Variants in FAM178B observed in about 807,000 individuals in gnomAD.
FAM178B encodes protein FAM178B.
FAM178B carries 82 observed loss-of-function variants against 91.7 expected under a neutral mutation model. That is an observed-to-expected ratio of 0.89 (90% confidence interval 0.75 to 1.07). The LOEUF is 1.07. FAM178B is among the 50% of genes least tolerant of loss of function. The pLI is 0.00. For synonymous variants in FAM178B, 368 were observed against 359.4 expected, an observed-to-expected ratio of 1.02 and a Z score of -0.27; for missense variants, 769 against 846.7, an observed-to-expected ratio of 0.91 and a Z score of 1.14.
intron 6 of FAM178B, among the ~76,000 whole-genome samples, chr2:96,956,437 T>C: frequency 6.6e-6 from 1 of 152,324 alleles, no homozygotes; most frequent in Non-Finnish European, 1.5e-5. Context: ...GGACAGCTGC[T>C]GGGACGCAGA....
chr2:96,904,541 ATTTTTTTTTTTT>A (rs11284849), intron 12 of FAM178B, among the ~76,000 whole-genome samples: 1 of 96,678 alleles, frequency 1.0e-5, no homozygotes, highest in Non-Finnish European at 2.0e-5. Context: ...ATGCCTGGCT[ATTTTTTTTTTTT>A]TTTTTTTTTT....
intron 14 of FAM178B, among the ~76,000 whole-genome samples, chr2:96,886,259 C>T (rs946877588): frequency 9.2e-5 from 14 of 152,340 alleles, no homozygotes; most frequent in African/African-American, 3.4e-4. Flanking sequence ...GAGGGGTGAA[C>T]GTGTATCCCA....
intron 1 of FAM178B, chr2:96,977,702 GGGGAAGGA>G: frequency 2.5e-6 from 1 of 392,516 alleles, no homozygotes; most frequent in South Asian, 1.9e-5. Flanking sequence ...AATGGGGGAG[GGGGAAGGA>G]GGGAAGGATA....
chr2:96,909,272 G>A (rs1031354252), intron 12 of FAM178B, among the ~76,000 whole-genome samples: 3 of 152,074 alleles, frequency 2.0e-5, no homozygotes, highest in Non-Finnish European at 4.4e-5. Flanking sequence ...AGCAAAGGAA[G>A]TGCAGTATCT....
rs369202508 is a variant in FAM178B, at chr2:96,967,906, T to G, written c.627-279A>C. Among the ~76,000 whole-genome samples the G allele has an allele frequency of 2.6e-3, 372 of 143,440 alleles. 3 individuals are homozygous for G. Among genetic ancestry groups the G allele is most frequent in the African/African-American group, 9.0e-3 (345 of 38,204 alleles). 94.1% of individuals were successfully genotyped at this position (143,440 alleles called of 152,430 possible). ...ATGCATCTTTACTTGTGTACCCTGT[T>G]TGGTCTTTTTTTTTTTTTTTTTTTT... On this transcript the variant is annotated intron_variant, in intron 4 of 16. Coordinates refer to ENST00000490605, the MANE Select transcript of FAM178B (RefSeq NM_001122646.3).
intron 12 of FAM178B, among the ~76,000 whole-genome samples, chr2:96,910,922 A>C (rs59660613): frequency 0.13 from 19,084 of 151,642 alleles, 1,301 homozygotes; most frequent in Middle Eastern, 0.23. Flanking sequence ...TGCACACCAC[A>C]ATGCCCGGCT....
At chr2:96,920,217 A>G (rs956842598) in intron 12 of FAM178B, among the ~76,000 whole-genome samples, 10 of 152,130 alleles carry the variant, frequency 6.6e-5, no homozygotes, top group African/African-American at 2.4e-4. Flanking sequence ...AAAGTGGGAG[A>G]AGGAAAGTGG....
At chr2:96,878,547 G>A in intron 14 of FAM178B, 54 bp from the exon 15 acceptor site, 6 of 1,539,642 alleles carry the variant, frequency 3.9e-6, no homozygotes, top group Non-Finnish European at 5.4e-6. Flanking sequence ...AGGGCAGCAT[G>A]GCGTGCCCTC....
intron 6 of FAM178B, among the ~76,000 whole-genome samples, chr2:96,959,433 A>G (rs960573656): frequency 7.2e-5 from 11 of 152,204 alleles, no homozygotes; most frequent in East Asian, 1.9e-4. Flanking sequence ...GTATCATACA[A>G]TAAGACGGAC....
intron 14 of FAM178B, among the ~76,000 whole-genome samples, chr2:96,885,953 C>T (rs566823573): frequency 2.0e-4 from 30 of 152,242 alleles, no homozygotes; most frequent in Non-Finnish European, 1.8e-4. Flanking sequence ...CCAGCCAGGG[C>T]GTTGCATAAC....
At chr2:96,962,942 A>G (rs111421970) in intron 5 of FAM178B, among the ~76,000 whole-genome samples, 3 of 152,114 alleles carry the variant, frequency 2.0e-5, no homozygotes, top group African/African-American at 4.8e-5. Context: ...GGCTTTGTAC[A>G]CTGGTGAATG....
intron 14 of FAM178B, among the ~76,000 whole-genome samples, chr2:96,884,298 A>G (rs1040879237): frequency 1.3e-5 from 2 of 152,212 alleles, no homozygotes; most frequent in African/African-American, 4.8e-5. Flanking sequence ...CAGCAGGACA[A>G]GCTCCCCGGG....
At chr2:96,921,358 G>A (rs1033089538) in intron 11 of FAM178B, 96 bp from the exon 12 acceptor site, 14 of 1,502,442 alleles carry the variant, frequency 9.3e-6, no homozygotes, top group African/African-American at 5.6e-5. Context: ...GGGCAGTCAC[G>A]GAGATCAGGG....
intron 12 of FAM178B, among the ~76,000 whole-genome samples, chr2:96,905,261 T>C (rs2081008691): frequency 6.6e-6 from 1 of 151,910 alleles, no homozygotes; most frequent in Admixed American, 6.6e-5. Context: ...ATAAAACAAT[T>C]AAGAAAAAAA....
intron 1 of FAM178B, among the ~76,000 whole-genome samples, chr2:96,977,384 CAAAA>C (rs754852439): frequency 8.2e-5 from 2 of 24,528 alleles, no homozygotes; most frequent in African/African-American, 1.2e-4. Context: ...GACTCCGTCT[CAAAA>C]AAAAAAAAAA....
At chr2:96,905,328 C>T (rs1048532431) in intron 12 of FAM178B, among the ~76,000 whole-genome samples, 4 of 151,960 alleles carry the variant, frequency 2.6e-5, no homozygotes, top group East Asian at 1.9e-4. Flanking sequence ...GAGGCTGAAG[C>T]GGGTGGATCA....
intron 9 of FAM178B, among the ~76,000 whole-genome samples, chr2:96,928,858 G>A (rs1397371892): frequency 6.6e-6 from 1 of 152,116 alleles, no homozygotes; most frequent in Non-Finnish European, 1.5e-5. Flanking sequence ...ACAAACAAGA[G>A]AACAGGTGGC....
rs114034364 is a variant in FAM178B at position 96,954,636 on chromosome 2, T to A, written c.888-3152A>T. Among the ~76,000 whole-genome samples the A allele has an allele frequency of 8.7e-3, 1,332 of 152,378 alleles. 17 individuals carry two copies. Among genetic ancestry groups the A allele is most frequent in the Middle Eastern group, 0.024 (7 of 294 alleles). On this transcript the variant is annotated intron_variant, in intron 6 of 16. Transcript: ENST00000490605. ...CACCAAGTGTAGTTATTTATACGTA[T>A]CAGCTCCTGGGCCTTTGCCAAGTTA...
chr2:96,978,749 C>T (rs1246740090), intron 1 of FAM178B, among the ~76,000 whole-genome samples: 1 of 151,290 alleles, frequency 6.6e-6, no homozygotes, highest in African/African-American at 2.4e-5. Context: ...CTCAGCCTCC[C>T]GAGTAGCTGG....
Sources: allele counts gnomAD v4.1 joint callset (sites outside exome capture counted in the v4.1 genomes callset), GRCh38; gene constraint gnomAD v4.1.1; transcripts MANE v1.5; gene names NCBI Gene and HGNC (gene_info 2026-07-23, HGNC 2026-07-21).